The following WDR62 variants were observed in gnomAD, a reference collection of about 807,000 sequenced individuals.
WDR62 encodes the protein WD repeat domain 62.
WDR62 carries 112 observed loss-of-function variants against 160.6 expected under a neutral mutation model. That is an observed-to-expected ratio of 0.70 (90% CI 0.60 to 0.82). The LOEUF (loss-of-function observed/expected upper bound fraction) is 0.82, where lower values mean the gene tolerates loss of function less well. Ranked by LOEUF, WDR62 falls within the 40% of genes least tolerant of loss-of-function variation. The pLI, the probability that WDR62 is intolerant of heterozygous loss-of-function variation, is 0.00. For synonymous variants in WDR62, 792 were observed against 815.1 expected (o/e 0.97, Z 0.48); for missense variants, 1,819 against 1,983.8 (o/e 0.92, Z 1.58).
At position 36,092,830 on chromosome 19, in the gene WDR62, T is replaced by C; in HGVS notation, c.2333+19T>C. 6.2e-7 allele frequency: 1 copy of C among 1,613,680 alleles called. No homozygotes were observed. The highest frequency in any genetic ancestry group is 8.5e-7 in the Non-Finnish European group (1 of 1,179,842). ...ACCCCAGGTCCTGGCAGCCCCTGCC[T>C]GTCCACCAGAGGGATGAGTCCCTGC... On this transcript the variant is annotated intron_variant, in intron 19 of 31. Transcript: ENST00000401500.
intron 6 of WDR62, among the ~76,000 whole-genome samples, 169 bp downstream of exon 6, chr19:36,067,612 G>C (rs1231662914): frequency 6.6e-6 from 1 of 152,218 alleles, no homozygotes; most frequent in African/African-American, 2.4e-5. Flanking sequence ...TGATGCACAG[G>C]CCCTGCCAGG....
At position 36,101,221 on chromosome 19, in the gene WDR62, T is replaced by TA. The variant is rs1973312134; in HGVS notation, c.2875_2876insA (p.Cys959Ter). The change falls in exon 24 of 32, where the codon TGC becomes TAGC. Residue 959 changes from cysteine to a stop codon, truncating the protein, a stop_gained and frameshift_variant. Transcript: ENST00000401500. LOFTEE classifies it high-confidence loss of function. ...VTVTGTDSQY[C>*]RKEVEAGPGD... is the part of the protein sequence containing the mutation. ...CCCCCACTGGCACTGCAGCCAGTAT[T>TA]GCAGGAAGGAGGTGGAGGCCGGGCC... 1.2e-6 allele frequency: 2 copies of TA among 1,612,314 alleles called. No individual in the cohort carries two copies. Among genetic ancestry groups the TA allele is most frequent in the Non-Finnish European group, 1.7e-6 (2 of 1,179,576 alleles).
Position 36,058,184 on chromosome 19 carries a change from T to C in WDR62, c.178-596T>C, listed in dbSNP as rs553507628. On this transcript the variant is annotated intron_variant, in intron 1 of 31. Coordinates refer to ENST00000401500, the MANE Select transcript of WDR62 (RefSeq NM_001083961.2). ...CTGGCCAACATGGTGAAACCCCATC[T>C]CTACTAAAAATACAAAAATTAGCCG... 3.9e-5 allele frequency among the ~76,000 whole-genome samples: 6 copies of C among 152,184 alleles called. No homozygotes were observed. In the South Asian group the frequency reaches 1.2e-3, roughly 32 times the overall value.
Position 36,102,780 on chromosome 19 carries a change from T to C in WDR62, c.3264T>C (p.Ala1088=), listed in dbSNP as rs760420465. The C allele has an allele frequency of 1.9e-6, 3 of 1,614,230 alleles. No homozygotes were observed. The South Asian group carries it at 3.3e-5, about 18-fold the overall frequency. ...TGGGAGACGTGGAGGCCTCTGAAGC[T>C]GAAGACCACTTCTTCAACCCACGCC... The part of the protein sequence containing the change: ...AALGDVEASE[A]EDHFFNPRLS... The change falls in exon 27 of 32, where the codon GCT becomes GCC. Residue 1088 remains alanine, a synonymous_variant. Transcript: ENST00000401500.
chr19:36,084,742 C>T lies in WDR62; in HGVS notation c.1640C>T (p.Thr547Met), dbSNP rs756313871. Residue 547 changes from threonine to methionine, a missense_variant and splice_region_variant, in exon 12 of 32, where the codon ACG becomes ATG. Coordinates refer to ENST00000401500, the MANE Select transcript of WDR62 (RefSeq NM_001083961.2). ...VLCLEYSKPE[T>M]GLTLLASASR... is the part of the protein sequence containing the mutation. ...TGCCTGGAGTACTCCAAGCCAGAGA[C>T]GGGTGAGCCCGCAGCAGGGGTGGAA... 72 of 1,613,062 alleles carry T rather than the reference C, an allele frequency of 4.5e-5. No individual in the cohort carries two copies. The highest frequency in any genetic ancestry group is 5.5e-5 in the South Asian group (5 of 91,062).
chr19:36,102,730 C>A lies in WDR62; in HGVS notation c.3221-7C>A. On this transcript the variant is annotated splice_region_variant and splice_polypyrimidine_tract_variant and intron_variant, in intron 26 of 31. Transcript: ENST00000401500. Reference sequence around the variant, plus strand: ...GTTATGAGGGTCCCCTCGGGATCTTCCCCTAGAGCTCTTCCCCGCAGCTCT... The same window carrying A: ...GTTATGAGGGTCCCCTCGGGATCTTACCCTAGAGCTCTTCCCCGCAGCTCT... The A allele has an allele frequency of 6.2e-7, 1 of 1,613,832 alleles. No individual in the cohort carries two copies. Among genetic ancestry groups the A allele is most frequent in the Admixed American group, 1.7e-5 (1 of 60,028 alleles).
At chr19:36,068,553 A>C (rs1289975583) in intron 7 of WDR62, among the ~76,000 whole-genome samples, 1 of 152,192 alleles carries the variant, frequency 6.6e-6, no homozygotes, top group Non-Finnish European at 1.5e-5. Context: ...GGGAGTGGTG[A>C]TGACTCTTAA....
chr19:36,084,200 G>T (rs933245623), intron 11 of WDR62, among the ~76,000 whole-genome samples: 7 of 152,154 alleles, frequency 4.6e-5, no homozygotes. Context: ...ATGACTCGAT[G>T]ACTGATTTCA....
chr19:36,095,168 T>G (rs1972881281), intron 20 of WDR62, among the ~76,000 whole-genome samples: 1 of 152,236 alleles, frequency 6.6e-6, no homozygotes, highest in Admixed American at 6.5e-5. Context: ...TAGATCCAGA[T>G]AGACAGATGA....
chr19:36,056,166 A>AAAAT lies in WDR62; in HGVS notation c.177+1035_177+1038dup, dbSNP rs901191290. Among the ~76,000 whole-genome samples the AAAAT allele has an allele frequency of 4.6e-5, 7 of 152,292 alleles. No individual in the cohort carries two copies. The East Asian group carries it at 5.8e-4, about 13-fold the overall frequency. ...GGGCGACAGAGTGAGACTCTGTCTC[A>AAAAT]AAATAAATAAATAAATAAATTATAC... is the stretch of plus-strand genomic sequence containing the variant. On this transcript the variant is annotated intron_variant, in intron 1 of 31. Transcript: ENST00000401500.
chr19:36,071,480 G>T, intron 7 of WDR62, 76 bp from the exon 8 acceptor site: 1 of 1,575,458 alleles, frequency 6.3e-7, no homozygotes, highest in African/African-American at 1.3e-5. Context: ...GCCTAAGGCT[G>T]CTCTGTCAGT....
Position 36,104,851 on chromosome 19 carries a change from G to C in WDR62, c.4395G>C (p.Gln1465His). The C allele has an allele frequency of 6.2e-7, 1 of 1,613,382 alleles. No homozygotes were observed. Among genetic ancestry groups the C allele is most frequent in the Non-Finnish European group, 8.5e-7 (1 of 1,180,008 alleles). ...CCACCTTCCTGTGGATCCACAGCCA[G>C]CTGGAGGCTGAATGCCTGGTGGGGA... The part of the protein sequence containing the change: ...LVSTFLWIHS[Q>H]LEAECLVGTS... Residue 1465 changes from glutamine (Q) to histidine (H), a missense_variant, in exon 32 of 32, where the codon CAG becomes CAC. Physicochemically the swap from Gln to His is conservative, Grantham distance 24. Transcript: ENST00000401500.
chr19:36,103,709 G>A lies in WDR62; in HGVS notation c.3881G>A (p.Arg1294Gln), dbSNP rs773029330. Residue 1294 changes from arginine (R) to glutamine (Q), a missense_variant, in exon 30 of 32, where the codon CGG (arginine) becomes CAG (glutamine). Around this residue, in one of 3 missense-constraint regions of WDR62, gnomAD observed 770 missense variants for 734.2 expected, o/e 1.05. Coordinates refer to ENST00000401500, the MANE Select transcript of WDR62 (RefSeq NM_001083961.2). ...ALRSWGNHEA[R>Q]ANLRLTLSSA... ...CGTTCCTGGGGCAACCACGAGGCCCGGGCCAACCTGAGACTGACCCTGTCA... is the reference window on the plus strand; with the variant it reads ...CGTTCCTGGGGCAACCACGAGGCCCAGGCCAACCTGAGACTGACCCTGTCA... 26 of 1,610,552 alleles carry A rather than the reference G, an allele frequency of 1.6e-5. No homozygotes were observed. Among genetic ancestry groups the A allele is most frequent in the African/African-American group, 4.0e-5 (3 of 74,904 alleles).
intron 3 of WDR62, chr19:36,060,515 A>T (rs1429147325): frequency 5.5e-6 from 1 of 180,994 alleles, no homozygotes; most frequent in African/African-American, 2.3e-5. Flanking sequence ...GCAGCCAGGG[A>T]TCTGGGTGCC....
At chr19:36,099,284 G>T in intron 21 of WDR62, 115 bp from the exon 22 acceptor site, 9 of 712,596 alleles carry the variant, frequency 1.3e-5, no homozygotes, top group Non-Finnish European at 2.2e-5. Context: ...CCTGGAAGTT[G>T]TTTCTGAATG....
At chr19:36,073,750 A>C in intron 9 of WDR62, 1 of 634,482 alleles carries the variant, frequency 1.6e-6, no homozygotes, top group Middle Eastern at 2.5e-4. Flanking sequence ...AGTGAATAAC[A>C]CGCCAAGCAG....
At chr19:36,093,886 A>G in intron 19 of WDR62, 145 bp from the exon 20 acceptor site, 1 of 956,408 alleles carries the variant, frequency 1.0e-6, no homozygotes, top group South Asian at 1.3e-5. Context: ...GACGGCATCA[A>G]GTGAGAGACT....
the WDR62 span, among the ~76,000 whole-genome samples, chr19:36,110,884 G>T: frequency 2.0e-5 from 3 of 152,160 alleles, no homozygotes; most frequent in Non-Finnish European, 4.4e-5. Flanking sequence ...TCCCCCTGGG[G>T]CCTTGTTTCT....
chr19:36,091,679 T>C (rs2145786865), intron 18 of WDR62, among the ~76,000 whole-genome samples: 1 of 151,604 alleles, frequency 6.6e-6, no homozygotes, highest in East Asian at 2.0e-4. Context: ...GGTGGATCAC[T>C]TGAGCTCAGG....
Sources: allele counts gnomAD v4.1 joint callset (sites outside exome capture counted in the v4.1 genomes callset), GRCh38; gene constraint gnomAD v4.1.1; regional missense constraint gnomAD v4.1.1; transcripts MANE v1.5; gene names NCBI Gene and HGNC (gene_info 2026-07-23, HGNC 2026-07-21).